NDE1: variants seen among roughly 807,000 people sequenced by gnomAD.
NDE1 encodes nuclear distribution protein nudE homolog 1.
In NDE1, 28 loss-of-function variants were observed where a neutral mutation model predicts 43.4. The ratio of observed to expected loss-of-function variants is 0.65; its 90% CI spans 0.48 to 0.89. The LOEUF (loss-of-function observed/expected upper bound fraction) is 0.89. NDE1 is among the 40% of genes least tolerant of loss of function. The pLI is 0.00. For missense variants in NDE1, 441 were observed against 434.1 expected (o/e 1.02, Z -0.14); for synonymous variants, 184 against 172.0 (o/e 1.07, Z -0.55).
intron 8 of NDE1, among the ~76,000 whole-genome samples, chr16:15,706,338 G>C (rs1039397504): frequency 1.4e-4 from 22 of 152,094 alleles, no homozygotes; most frequent in African/African-American, 4.1e-4. Flanking sequence ...CAGCGCAGAG[G>C]AGCAGCAGTT....
intron 8 of NDE1, among the ~76,000 whole-genome samples, chr16:15,697,647 A>G (rs1454721084): frequency 6.6e-6 from 1 of 152,178 alleles, no homozygotes; most frequent in Non-Finnish European, 1.5e-5. Flanking sequence ...CTGGAGGCAG[A>G]GATTGCAGTG....
intron 8 of NDE1, among the ~76,000 whole-genome samples, chr16:15,709,343 C>T (rs1400707590): frequency 6.6e-6 from 1 of 151,880 alleles, no homozygotes; most frequent in African/African-American, 2.4e-5. Context: ...TTTTTTGATA[C>T]TCTGTCACCC....
At chr16:15,720,341 C>T in intron 8 of NDE1, 2 of 1,606,690 alleles carry the variant, frequency 1.2e-6, no homozygotes, top group Non-Finnish European at 1.7e-6. Context: ...TGTGTGCTGC[C>T]CCACTTGCCC....
intron 8 of NDE1, chr16:15,699,671 T>A (rs1367652261): frequency 7.6e-7 from 1 of 1,316,698 alleles, no homozygotes; most frequent in East Asian, 4.9e-5. Flanking sequence ...TGGGCCCCGG[T>A]GCTAGCCAGT....
At chr16:15,697,284 C>A (rs547369289) in intron 8 of NDE1, among the ~76,000 whole-genome samples, 1 of 152,122 alleles carries the variant, frequency 6.6e-6, no homozygotes, top group Non-Finnish European at 1.5e-5. Flanking sequence ...TTCAAGTGAT[C>A]CTCACCCTTC....
chr16:15,723,958 A>G (rs1009986575), intron 8 of NDE1, among the ~76,000 whole-genome samples: 4 of 152,218 alleles, frequency 2.6e-5, no homozygotes, highest in African/African-American at 7.2e-5. Context: ...CACAGTCATC[A>G]AGGCTTCTTT....
chr16:15,703,691 C>T (rs1185064234), intron 8 of NDE1: 9 of 455,932 alleles, frequency 2.0e-5, no homozygotes, highest in Middle Eastern at 6.0e-4. Flanking sequence ...TGGGCTGGAG[C>T]GTTCTTCCTG....
At chr16:15,704,879 T>C (rs2039365140) in intron 8 of NDE1, among the ~76,000 whole-genome samples, 2 of 152,208 alleles carry the variant, frequency 1.3e-5, no homozygotes, top group Admixed American at 6.5e-5. Context: ...GGTCTTGATA[T>C]TGTTGCCCAG....
rs1212764276 is a variant in NDE1, at chr16:15,706,702, CCAAAAAAAAAAA to C, written c.947+9853_947+9864del. Among the ~76,000 whole-genome samples, 3 of 150,452 alleles carry C rather than the reference CCAAAAAAAAAAA, an allele frequency of 2.0e-5. No homozygotes were observed. In the South Asian group the frequency reaches 6.3e-4, roughly 32 times the overall value. ...AGCCTGGGAAACAGCAAGACTGTCTCCAAAAAAAAAAACAAAAAAAAATCTGATGAGCTGGGA... is the reference window on the plus strand; with the variant it reads ...AGCCTGGGAAACAGCAAGACTGTCTCCAAAAAAAAATCTGATGAGCTGGGA... On this transcript the variant is annotated intron_variant, in intron 8 of 8. Coordinates refer to ENST00000396354, the MANE Select transcript of NDE1 (RefSeq NM_017668.3).
intron 4 of NDE1, chr16:15,686,251 C>A: frequency 1.9e-6 from 1 of 516,550 alleles, no homozygotes; most frequent in Non-Finnish European, 2.5e-6. Flanking sequence ...CGTGTCCGGG[C>A]CTGTATGACT....
intron 1 of NDE1, among the ~76,000 whole-genome samples, chr16:15,661,211 C>T (rs1224418427): frequency 6.7e-6 from 1 of 148,748 alleles, no homozygotes; most frequent in South Asian, 2.1e-4. Flanking sequence ...TGCAGTGGCG[C>T]CATCTCGGCT....
intron 8 of NDE1, among the ~76,000 whole-genome samples, chr16:15,723,583 T>G (rs1403712262): frequency 1.3e-5 from 2 of 152,046 alleles, no homozygotes; most frequent in Non-Finnish European, 2.9e-5. Context: ...GTGGTGGAGG[T>G]TGCGGGGAGC....
chr16:15,644,238 G>T (rs1330189496), intron 1 of NDE1, among the ~76,000 whole-genome samples: 1 of 152,206 alleles, frequency 6.6e-6, no homozygotes, highest in African/African-American at 2.4e-5. Flanking sequence ...AAAAGAATCA[G>T]TAAGTCGAAA....
intron 8 of NDE1, among the ~76,000 whole-genome samples, chr16:15,702,315 G>C (rs117676761): frequency 1.9e-4 from 29 of 152,330 alleles, no homozygotes; most frequent in Non-Finnish European, 2.9e-4. Context: ...ATGTTTTTAA[G>C]GGTTGTTTTA....
At chr16:15,676,145 CCTCTCTCCT>C (rs1454996632) in intron 3 of NDE1, among the ~76,000 whole-genome samples, 1 of 145,620 alleles carries the variant, frequency 6.9e-6, no homozygotes, top group Non-Finnish European at 1.5e-5. Context: ...TGTCTCCCTT[CCTCTCTCCT>C]CTCTCTCCCT....
intron 8 of NDE1, chr16:15,715,251 C>T (rs2040061506): frequency 6.2e-7 from 1 of 1,613,986 alleles, no homozygotes; most frequent in African/African-American, 1.3e-5. Flanking sequence ...GCTTCAGCGA[C>T]TTGGTGGCCG....
upstream of NDE1, among the ~76,000 whole-genome samples, chr16:15,649,088 C>G (rs1052928504): frequency 6.6e-6 from 1 of 150,818 alleles, no homozygotes; most frequent in African/African-American, 2.4e-5. Context: ...CCCAGCTACT[C>G]GGGAGGCTGA....
At chr16:15,660,171 A>T (rs1405291901) in intron 1 of NDE1, among the ~76,000 whole-genome samples, 1 of 152,116 alleles carries the variant, frequency 6.6e-6, no homozygotes, top group African/African-American at 2.4e-5. Context: ...CCGTTAGCCC[A>T]ACTGTTAATA....
intron 5 of NDE1, among the ~76,000 whole-genome samples, chr16:15,690,337 CTTTTTTTTTTTTTTTCTTTTTTTTT>C (rs2038675247): frequency 1.2e-4 from 9 of 74,108 alleles, no homozygotes; most frequent in South Asian, 9.1e-4. Context: ...TGCAACTGGC[CTTTTTTTTTTTTTTTCTTTTTTTTT>C]TTTTTTTTTT....
Sources: allele counts gnomAD v4.1 joint callset (sites outside exome capture counted in the v4.1 genomes callset), GRCh38; gene constraint gnomAD v4.1.1; transcripts MANE v1.5; gene names NCBI Gene and HGNC (gene_info 2026-07-23, HGNC 2026-07-21).